Variants in MED20 observed in about 807,000 individuals in gnomAD.
MED20 encodes the protein mediator of RNA polymerase II transcription subunit 20.
Under a neutral mutation model 19.7 loss-of-function variants are expected in MED20, and 19 were observed. The ratio of observed to expected loss-of-function variants is 0.96; its 90% CI spans 0.67 to 1.42. MED20 has a LOEUF of 1.42. Ranked by LOEUF, MED20 falls within the 40% of genes most tolerant of loss-of-function variation. The probability of loss-of-function intolerance (pLI) is 0.00; values close to 1 mark genes in which losing one functional copy is unlikely to be tolerated. For synonymous variants in MED20, 105 were observed against 104.8 expected, an observed-to-expected ratio of 1.00 and a Z score of -0.01; for missense variants, 225 against 273.0, an observed-to-expected ratio of 0.82 and a Z score of 1.24.
intron 1 of MED20, among the ~76,000 whole-genome samples, chr6:41,918,584 C>T (rs1287934111): frequency 9.2e-5 from 14 of 151,670 alleles, no homozygotes; most frequent in African/African-American, 2.9e-4. Flanking sequence ...GAGGCCAAGG[C>T]GGGCAGATCA....
At chr6:41,914,625 T>TC (rs200892693) in intron 2 of MED20, among the ~76,000 whole-genome samples, 3 of 150,036 alleles carry the variant, frequency 2.0e-5, no homozygotes, top group African/African-American at 4.9e-5. Context: ...CCAAAGAGTC[T>TC]CTCTCATTGC....
chr6:41,916,933 G>C lies in MED20; in HGVS notation c.21C>G (p.Ser7=), dbSNP rs1659922518. Residue 7 remains serine (S), a synonymous_variant, in exon 2 of 4, where the codon TCC becomes TCG. Coordinates refer to ENST00000265350, the MANE Select transcript of MED20 (RefSeq NM_004275.5). ...TCTTGCCCTCGGCCACAGGCATCTG[G>C]GACACACTGGAAAGGAGAGCACCAA... MGVTCV[S]QMPVAEGKSV... 1.2e-6 allele frequency: 2 copies of C among 1,613,772 alleles called. No individual in the cohort carries two copies. Among genetic ancestry groups the C allele is most frequent in the Non-Finnish European group, 1.7e-6 (2 of 1,179,966 alleles).
At chr6:41,919,870 C>T (rs1330184950) in intron 1 of MED20, among the ~76,000 whole-genome samples, 1 of 152,196 alleles carries the variant, frequency 6.6e-6, no homozygotes, top group Admixed American at 6.5e-5. Flanking sequence ...ACAGGAGGAT[C>T]GTGTCAATCG....
At chr6:41,916,622 A>C (rs1043219465) in intron 2 of MED20, among the ~76,000 whole-genome samples, 163 bp downstream of exon 2, 10 of 152,208 alleles carry the variant, frequency 6.6e-5, no homozygotes, top group Non-Finnish European at 1.2e-4. Flanking sequence ...CAAAGGCCCT[A>C]TTCTAAGAGA....
Position 41,921,129 on chromosome 6 carries a change from T to C in MED20, c.-111A>G. 3 of 1,419,150 alleles carry C rather than the reference T, an allele frequency of 2.1e-6. No homozygotes were observed. The highest frequency in any genetic ancestry group is 2.9e-6 in the Non-Finnish European group (3 of 1,034,646). The allele number at this position is 1,419,150 out of a possible 1,614,324, so 87.9% of individuals were successfully genotyped here. A position where few individuals can be genotyped will look rare whatever the true frequency, so the allele number is the denominator to read the frequency against. On this transcript the variant is annotated 5_prime_UTR_variant, in exon 1 of 4. Coordinates refer to ENST00000265350, the MANE Select transcript of MED20 (RefSeq NM_004275.5). The stretch of plus-strand genomic sequence containing the variant: ...CACAACCTTCTGTCTCAGAAGGGAC[T>C]CCGGAAATACGTAAAAACAGAGCGC...
At chr6:41,920,879 C>G in intron 1 of MED20, 126 bp downstream of exon 1, 3 of 1,220,940 alleles carry the variant, frequency 2.5e-6, no homozygotes, top group South Asian at 4.1e-5. Flanking sequence ...CGGACGGCAT[C>G]CTCTCATCTA....
intron 3 of MED20, chr6:41,909,058 C>T: frequency 1.6e-6 from 1 of 620,872 alleles, no homozygotes; most frequent in Non-Finnish European, 2.7e-6. Context: ...GGTGTAGTCC[C>T]AGGTACTTGG....
intron 2 of MED20, among the ~76,000 whole-genome samples, chr6:41,911,120 A>G (rs575785694): frequency 2.9e-4 from 43 of 150,432 alleles, no homozygotes; most frequent in African/African-American, 1.0e-3. Flanking sequence ...AAAAAAAAAA[A>G]GCTGACAATC....
At position 41,907,110 on chromosome 6, in the gene MED20, G is replaced by A. The variant is rs1775071175; in HGVS notation, c.601C>T (p.Arg201Cys). Residue 201 changes from arginine to cysteine, a missense_variant, in exon 4 of 4, where the codon CGC (arginine) becomes TGC (cysteine). Transcript: ENST00000265350. ...GCCACCGGCACCTGCTGCTGCTTGC[G>A]GATCTTGTTGAAGAGTTCCATGTAC... ...VQYMELFNKI[R>C]KQQQVPVAGI... The A allele has an allele frequency of 6.2e-7, 1 of 1,613,950 alleles. No individual in the cohort carries two copies. The highest frequency in any genetic ancestry group is 8.5e-7 in the Non-Finnish European group (1 of 1,179,992).
chr6:41,918,222 T>A lies in MED20; in HGVS notation c.15-1283A>T, dbSNP rs112423500. Among the ~76,000 whole-genome samples the A allele has an allele frequency of 8.9e-3, 1,358 of 152,174 alleles. 27 individuals carry two copies. Among genetic ancestry groups the A allele is most frequent in the African/African-American group, 0.031 (1,303 of 41,524 alleles). On this transcript the variant is annotated intron_variant, in intron 1 of 3. Transcript: ENST00000265350. Reference sequence around the variant, plus strand: ...ATCAACTTGTTACAAATGAGGAAACTGCCGGGCATGGTGGCTCACGCCTGT... The same window carrying A: ...ATCAACTTGTTACAAATGAGGAAACAGCCGGGCATGGTGGCTCACGCCTGT...
chr6:41,919,177 G>A (rs560596105), intron 1 of MED20, among the ~76,000 whole-genome samples: 25 of 137,478 alleles, frequency 1.8e-4, no homozygotes, highest in Admixed American at 8.0e-4. Context: ...ACAGCACAAA[G>A]AGGTTAAATA....
rs2127373415 is a variant in MED20 at position 41,907,243 on chromosome 6, C to T, written c.468G>A (p.Leu156=). ...GAAAACTCTGTAGGAACTCGAGCAG[C>T]AGACTCCAGCAGTCACTAGCTACCA... ...PCVVASDCWS[L]LLEFLQSFLG... is the part of the protein sequence containing the mutation. Residue 156 remains leucine (L), a synonymous_variant, in exon 4 of 4, where the codon CTG becomes CTA. Transcript: ENST00000265350. 6.2e-7 allele frequency: 1 copy of T among 1,613,930 alleles called. No homozygotes were observed. Among genetic ancestry groups the T allele is most frequent in the Non-Finnish European group, 8.5e-7 (1 of 1,179,982 alleles).
chr6:41,917,700 C>G (rs139351750), intron 1 of MED20: 2 of 461,150 alleles, frequency 4.3e-6, no homozygotes, highest in Admixed American at 2.4e-5. Context: ...TTCAATAATG[C>G]TGAGTCATAT....
chr6:41,911,042 G>A (rs1039468975), intron 2 of MED20, among the ~76,000 whole-genome samples: 6 of 151,132 alleles, frequency 4.0e-5, no homozygotes, highest in Middle Eastern at 3.2e-3. Context: ...CCAAGAGGCA[G>A]AGGTTGCAGT....
intron 2 of MED20, among the ~76,000 whole-genome samples, chr6:41,911,576 A>T (rs571169453): frequency 6.6e-6 from 1 of 152,228 alleles, no homozygotes; most frequent in East Asian, 1.9e-4. Flanking sequence ...ACAAGTCAGC[A>T]GGAAAAAAAA....
intron 2 of MED20, among the ~76,000 whole-genome samples, chr6:41,915,458 A>G (rs549931654): frequency 1.3e-5 from 2 of 152,240 alleles, no homozygotes; most frequent in Admixed American, 1.3e-4. Flanking sequence ...ACACCAAAGC[A>G]CTTCAGCCTG....
intron 2 of MED20, among the ~76,000 whole-genome samples, chr6:41,915,678 T>C (rs369929550): frequency 5.3e-5 from 8 of 151,718 alleles, no homozygotes; most frequent in Non-Finnish European, 8.8e-5. Flanking sequence ...TCCCAGCTAC[T>C]TGGGAGGCTG....
At position 41,916,679 on chromosome 6, in the gene MED20, T is replaced by TG. The variant is rs2127380058; in HGVS notation, c.169+105_169+106insC. On this transcript the variant is annotated intron_variant, in intron 2 of 3. Transcript: ENST00000265350. ...CGTCAAAAACACATCTCGCCACATG[T>TG]TTAAGAATACCACCTTTAGCAGAAA... 3 of 1,409,204 alleles carry TG rather than the reference T, an allele frequency of 2.1e-6. No individual in the cohort carries two copies. In the East Asian group the frequency reaches 6.9e-5, roughly 33 times the overall value. The allele number at this position is 1,409,204 out of a possible 1,614,324, so 87.3% of individuals were successfully genotyped here.
intron 2 of MED20, among the ~76,000 whole-genome samples, chr6:41,912,199 C>CTTTTTTTTT (rs887419565): frequency 1.7e-5 from 2 of 119,294 alleles, no homozygotes; most frequent in East Asian, 2.3e-4. Flanking sequence ...CCATGCCCAC[C>CTTTTTTTTT]TTTTTTTTTT....
Sources: allele counts gnomAD v4.1 joint callset (sites outside exome capture counted in the v4.1 genomes callset), GRCh38; gene constraint gnomAD v4.1.1; transcripts MANE v1.5; gene names NCBI Gene and HGNC (gene_info 2026-07-23, HGNC 2026-07-21).